TXK: variants seen among roughly 807,000 people sequenced by gnomAD.
TXK encodes the protein TXK tyrosine kinase, also known as tyrosine-protein kinase TXK.
TXK carries 60 observed loss-of-function variants against 81.0 expected under a neutral mutation model. That is an observed-to-expected ratio of 0.74 (90% CI 0.60 to 0.92). The LOEUF (loss-of-function observed/expected upper bound fraction) is 0.92. Among genes scored for constraint, TXK ranks in the 40% least tolerant of loss-of-function variants. The pLI is 0.00. For missense variants in TXK, 581 were observed against 638.3 expected, an observed-to-expected ratio of 0.91 and a Z score of 0.97; for synonymous variants, 203 against 210.7, an observed-to-expected ratio of 0.96 and a Z score of 0.32.
At chr4:48,093,977 T>C in intron 8 of TXK, 100 bp downstream of exon 8, 1 of 1,450,070 alleles carries the variant, frequency 6.9e-7, no homozygotes, top group Non-Finnish European at 9.6e-7. Flanking sequence ...AAACTATTTC[T>C]ATAGGGAGAT....
intron 10 of TXK, among the ~76,000 whole-genome samples, chr4:48,083,411 A>C (rs1343529692): frequency 6.6e-6 from 1 of 152,202 alleles, no homozygotes; most frequent in Non-Finnish European, 1.5e-5. Flanking sequence ...TTGATGTCTT[A>C]TGTCTTCCTA....
chr4:48,068,660 T>C (rs1716702178), intron 14 of TXK, among the ~76,000 whole-genome samples: 1 of 152,228 alleles, frequency 6.6e-6, no homozygotes, highest in Non-Finnish European at 1.5e-5. Context: ...TTTTTCCTAC[T>C]TCACTTAGGG....
Position 48,086,405 on chromosome 4 carries a change from A to G in TXK, c.956+61T>C, listed in dbSNP as rs79798206. 10,505 of 1,566,070 alleles carry G rather than the reference A, an allele frequency of 6.7e-3. 639 individuals are homozygous for G. The African/African-American group carries it at 0.13, about 19-fold the overall frequency. On this transcript the variant is annotated intron_variant, in intron 10 of 14. Coordinates refer to ENST00000264316, the MANE Select transcript of TXK (RefSeq NM_003328.3). ...CCAGGTGTGGCTGCCTCCAAAGCTC[A>G]TGTTGTTTCCATGACACCAGGGCAT...
chr4:48,132,641 A>G (rs1205447538), intron 1 of TXK, among the ~76,000 whole-genome samples: 1 of 152,088 alleles, frequency 6.6e-6, no homozygotes, highest in African/African-American at 2.4e-5. Flanking sequence ...GAGCACTTAA[A>G]TCCCGAGTCT....
Position 48,073,020 on chromosome 4 carries a change from G to A in TXK, c.1357+915C>T, listed in dbSNP as rs562771705. Among the ~76,000 whole-genome samples, 9 of 151,994 alleles carry A rather than the reference G, an allele frequency of 5.9e-5. No homozygotes were observed. The South Asian group carries it at 1.9e-3, about 32-fold the overall frequency. ...GCTTACTATAACCTCAAACTCCTGG[G>A]CTCAAGCAATCCTCCTGCCTCAGCC... On this transcript the variant is annotated intron_variant, in intron 13 of 14. Coordinates refer to ENST00000264316, the MANE Select transcript of TXK (RefSeq NM_003328.3).
At chr4:48,081,292 A>G (rs778466771) in intron 10 of TXK, among the ~76,000 whole-genome samples, 78 of 152,322 alleles carry the variant, frequency 5.1e-4, no homozygotes, top group Non-Finnish European at 8.2e-4. Flanking sequence ...TTGAAATGTT[A>G]CTGCATTTCC....
intron 1 of TXK, among the ~76,000 whole-genome samples, chr4:48,131,145 C>T (rs1489974316): frequency 6.6e-6 from 1 of 152,148 alleles, no homozygotes; most frequent in Non-Finnish European, 1.5e-5. Context: ...CAAACTGAAT[C>T]TCACTGGAGC....
At chr4:48,130,682 C>G (rs78239399) in intron 1 of TXK, among the ~76,000 whole-genome samples, 2,046 of 152,324 alleles carry the variant, frequency 0.013, 50 homozygotes, top group African/African-American at 0.044. Flanking sequence ...ATCAGGCCAT[C>G]TTAGAGGCTG....
rs73814663 is a variant in TXK, at chr4:48,090,073, C to T, written c.710-249G>A. Among the ~76,000 whole-genome samples, 123 of 152,278 alleles carry T rather than the reference C, an allele frequency of 8.1e-4. 1 individual carries two copies. Among genetic ancestry groups the T allele is most frequent in the African/African-American group, 2.9e-3 (122 of 41,562 alleles). ...ATCCCTCACAAAATCTTAGTATTCA[C>T]AGATAGATTGTTATCATCTTGGTGA... On this transcript the variant is annotated intron_variant, in intron 8 of 14. Coordinates refer to ENST00000264316, the MANE Select transcript of TXK (RefSeq NM_003328.3).
At chr4:48,120,242 CG>C (rs1026848769) in intron 1 of TXK, among the ~76,000 whole-genome samples, 17 of 134,812 alleles carry the variant, frequency 1.3e-4, no homozygotes, top group Non-Finnish European at 2.5e-4. Flanking sequence ...TATGTATATA[CG>C]TATATGTGTA....
chr4:48,108,678 A>C (rs1718538174), intron 5 of TXK, among the ~76,000 whole-genome samples: 1 of 152,220 alleles, frequency 6.6e-6, no homozygotes, highest in Non-Finnish European at 1.5e-5. Context: ...ATGAAAAATG[A>C]GTTTTCTCAT....
chr4:48,124,334 C>T (rs1719031882), intron 1 of TXK, among the ~76,000 whole-genome samples: 2 of 152,134 alleles, frequency 1.3e-5, no homozygotes, highest in Non-Finnish European at 2.9e-5. Flanking sequence ...CAGGCATTGC[C>T]AAATGTTCCC....
chr4:48,112,208 C>G, intron 4 of TXK, 99 bp downstream of exon 4: 1 of 1,116,836 alleles, frequency 9.0e-7, no homozygotes, highest in Admixed American at 1.9e-5. Context: ...GGGACAGATT[C>G]CATTTCATGC....
chr4:48,098,513 T>C (rs976554206), intron 6 of TXK, among the ~76,000 whole-genome samples: 2 of 152,180 alleles, frequency 1.3e-5, no homozygotes, highest in Non-Finnish European at 2.9e-5. Flanking sequence ...CCTAGAGATG[T>C]TGAAAAGCCA....
In TXK at chr4:48,120,327, CGT is replaced by C. The variant is rs200491519; in HGVS notation, c.17-5927_17-5926del. On this transcript the variant is annotated intron_variant, in intron 1 of 14. Transcript: ENST00000264316. ...CTTCAGCTATTAAAATACATATATA[CGT>C]ATATATACACATATATACGTATATA... Among the ~76,000 whole-genome samples the C allele has an allele frequency of 5.2e-3, 769 of 148,510 alleles. 5 individuals are homozygous for C. The highest frequency in any genetic ancestry group is 0.018 in the Middle Eastern group (5 of 274).
chr4:48,130,376 C>A (rs55683170), intron 1 of TXK, among the ~76,000 whole-genome samples: 1 of 151,916 alleles, frequency 6.6e-6, no homozygotes, highest in Non-Finnish European at 1.5e-5. Flanking sequence ...CTGGGCCCAA[C>A]CAGAGCTGGA....
intron 1 of TXK, 125 bp downstream of exon 1, chr4:48,134,030 G>C (rs1415123273): frequency 2.9e-6 from 3 of 1,017,892 alleles, no homozygotes; most frequent in Non-Finnish European, 4.3e-6. Flanking sequence ...CACAACATCT[G>C]AGGAAATTAT....
chr4:48,082,060 T>A (rs1249863975), intron 10 of TXK, among the ~76,000 whole-genome samples: 3 of 152,228 alleles, frequency 2.0e-5, no homozygotes, highest in African/African-American at 7.2e-5. Context: ...TATTGATAAT[T>A]ATGTTCATTA....
chr4:48,118,038 C>T (rs186939917), intron 1 of TXK, among the ~76,000 whole-genome samples: 2 of 152,288 alleles, frequency 1.3e-5, no homozygotes, highest in East Asian at 3.9e-4. Context: ...CATCCCTTTC[C>T]CCAAGATCTC....
Sources: allele counts gnomAD v4.1 joint callset (sites outside exome capture counted in the v4.1 genomes callset), GRCh38; gene constraint gnomAD v4.1.1; transcripts MANE v1.5; gene names NCBI Gene and HGNC (gene_info 2026-07-23, HGNC 2026-07-21).